The following CFAP299 variants were observed in gnomAD, a reference collection of about 807,000 sequenced individuals.
The protein encoded by CFAP299 is cilia and flagella associated protein 299, also known as cilia- and flagella-associated protein 299.
A neutral mutation model predicts 27.0 loss-of-function variants in CFAP299; 21 were observed. That is an observed-to-expected ratio of 0.78 (90% confidence interval 0.55 to 1.12). The LOEUF (loss-of-function observed/expected upper bound fraction) is 1.12, where lower values mean the gene tolerates loss of function less well. Ranked by LOEUF, CFAP299 falls within the 50% of genes most tolerant of loss-of-function variation. CFAP299 has a pLI of 0.00. For missense variants in CFAP299, 310 were observed against 276.6 expected, an observed-to-expected ratio of 1.12 and a Z score of -0.86; for synonymous variants, 104 against 98.1, an observed-to-expected ratio of 1.06 and a Z score of -0.36.
intron 3 of CFAP299, among the ~76,000 whole-genome samples, chr4:80,697,142 G>C (rs530747534): frequency 6.6e-6 from 1 of 151,786 alleles, no homozygotes; most frequent in African/African-American, 2.4e-5. Context: ...CTAGGAGTAC[G>C]AGACCAGCCT....
chr4:80,962,092 C>T (rs1738372923), intron 5 of CFAP299, among the ~76,000 whole-genome samples: 1 of 151,870 alleles, frequency 6.6e-6, no homozygotes, highest in Admixed American at 6.6e-5. Flanking sequence ...GCTTAAGCCC[C>T]CAGGGGTACA....
At chr4:80,321,386 G>A in the CFAP299 span, among the ~76,000 whole-genome samples, 2 of 152,096 alleles carry the variant, frequency 1.3e-5, no homozygotes, top group Non-Finnish European at 2.9e-5. Context: ...TGCTCAGAGG[G>A]CATTTATAAA....
At chr4:80,779,452 G>A (rs996919290) in intron 3 of CFAP299, among the ~76,000 whole-genome samples, 8 of 152,064 alleles carry the variant, frequency 5.3e-5, no homozygotes, top group Admixed American at 2.0e-4. Context: ...GACCAGGCAA[G>A]TCACCTGTCT....
chr4:80,618,670 T>G (rs187811796), intron 3 of CFAP299, among the ~76,000 whole-genome samples: 41 of 152,198 alleles, frequency 2.7e-4, no homozygotes, highest in African/African-American at 9.6e-4. Flanking sequence ...TGAAGGATCT[T>G]GCAGCCTAAT....
At chr4:80,920,387 A>C (rs766920023) in intron 4 of CFAP299, among the ~76,000 whole-genome samples, 1 of 152,144 alleles carries the variant, frequency 6.6e-6, no homozygotes, top group Non-Finnish European at 1.5e-5. Context: ...TAGTGTCAGC[A>C]TACCTGACCT....
rs550139070 is a variant in CFAP299, at chr4:80,845,785, G to A, written c.334-24208G>A. Reference sequence around the variant, plus strand: ...GTTTTGGGCAAAATAATTTTTATGTGATTATAAAATAGAAATAGAAATATC... The same window carrying A: ...GTTTTGGGCAAAATAATTTTTATGTAATTATAAAATAGAAATAGAAATATC... On this transcript the variant is annotated intron_variant, in intron 3 of 5. Coordinates refer to ENST00000358105, the MANE Select transcript of CFAP299 (RefSeq NM_152770.3). Among the ~76,000 whole-genome samples the A allele has an allele frequency of 1.4e-3, 217 of 151,962 alleles. 1 individual carries two copies. The highest frequency in any genetic ancestry group is 2.7e-3 in the Non-Finnish European group (182 of 67,970).
chr4:80,801,188 T>G (rs1728574260), intron 3 of CFAP299, among the ~76,000 whole-genome samples: 2 of 151,512 alleles, frequency 1.3e-5, no homozygotes, highest in Admixed American at 1.3e-4. Flanking sequence ...CACTATGGTT[T>G]TTTTTTTTTT....
At chr4:80,852,295 T>G (rs1731570322) in intron 3 of CFAP299, among the ~76,000 whole-genome samples, 1 of 152,108 alleles carries the variant, frequency 6.6e-6, no homozygotes, top group Non-Finnish European at 1.5e-5. Flanking sequence ...TTGGACATCA[T>G]CCCAGACCTA....
intron 3 of CFAP299, among the ~76,000 whole-genome samples, chr4:80,749,591 T>G (rs1314540352): frequency 6.6e-6 from 1 of 152,172 alleles, no homozygotes; most frequent in Non-Finnish European, 1.5e-5. Flanking sequence ...AGTGCAGCCT[T>G]CAGTCTGTGG....
intron 2 of CFAP299, among the ~76,000 whole-genome samples, chr4:80,579,948 A>T (rs1736081549): frequency 6.6e-6 from 1 of 152,124 alleles, no homozygotes. Context: ...ATTTACAGCA[A>T]AATAAGCTAT....
intron 2 of CFAP299, among the ~76,000 whole-genome samples, chr4:80,564,803 C>A (rs193056845): frequency 8.6e-5 from 13 of 151,942 alleles, no homozygotes; most frequent in Non-Finnish European, 1.8e-4. Flanking sequence ...GCAAACAATT[C>A]AGTGAAGTTG....
In CFAP299 at chr4:80,464,305, C is replaced by T. The variant is rs528285419; in HGVS notation, c.242+101421C>T. Among the ~76,000 whole-genome samples the T allele has an allele frequency of 1.2e-4, 18 of 152,304 alleles. No individual in the cohort carries two copies. In the South Asian group the frequency reaches 3.7e-3, roughly 32 times the overall value. On this transcript the variant is annotated intron_variant, in intron 2 of 5. Coordinates refer to ENST00000358105, the MANE Select transcript of CFAP299 (RefSeq NM_152770.3). ...GTTGCATAATTCAAGGCACATTAAA[C>T]TAGATGCTATATTTTCTATGGATTT...
chr4:80,638,270 G>T (rs1201534895), intron 3 of CFAP299, among the ~76,000 whole-genome samples: 1 of 152,142 alleles, frequency 6.6e-6, no homozygotes, highest in Non-Finnish European at 1.5e-5. Flanking sequence ...TAGTAATGGG[G>T]TGTGGAAGGG....
chr4:80,525,453 ATCT>A (rs2110180026), intron 2 of CFAP299, among the ~76,000 whole-genome samples: 1 of 152,310 alleles, frequency 6.6e-6, no homozygotes, highest in Admixed American at 6.5e-5. Flanking sequence ...CAATAGAAGA[ATCT>A]TCTTTAATGA....
chr4:80,344,106 C>A (rs562438783), intron 1 of CFAP299, among the ~76,000 whole-genome samples: 1 of 152,140 alleles, frequency 6.6e-6, no homozygotes, highest in African/African-American at 2.4e-5. Flanking sequence ...CAAGAGCAAA[C>A]AAACCACAAA....
chr4:80,464,087 A>AT (rs142240491), intron 2 of CFAP299, among the ~76,000 whole-genome samples: 11,822 of 150,872 alleles, frequency 0.078, 1,333 homozygotes, highest in African/African-American at 0.25. Context: ...TATTTTGTAA[A>AT]TTTTTTTTTT....
At chr4:80,501,167 A>ACT (rs1219440854) in intron 2 of CFAP299, among the ~76,000 whole-genome samples, 1 of 151,950 alleles carries the variant, frequency 6.6e-6, no homozygotes, top group Non-Finnish European at 1.5e-5. Context: ...AGTACTCATA[A>ACT]CTCTAGCTTA....
intron 3 of CFAP299, among the ~76,000 whole-genome samples, chr4:80,615,543 T>G (rs1382672039): frequency 1.3e-5 from 2 of 152,018 alleles, no homozygotes; most frequent in Non-Finnish European, 2.9e-5. Context: ...CTTTCTTTTT[T>G]TTTTTCAGAA....
chr4:80,387,211 G>T, intron 2 of CFAP299: 1 of 1,404,794 alleles, frequency 7.1e-7, no homozygotes, highest in Non-Finnish European at 1.0e-6. Context: ...GCACGCTCAG[G>T]TCGTACATCG....
Sources: allele counts gnomAD v4.1 joint callset (sites outside exome capture counted in the v4.1 genomes callset), GRCh38; gene constraint gnomAD v4.1.1; transcripts MANE v1.5; gene names NCBI Gene and HGNC (gene_info 2026-07-23, HGNC 2026-07-21).